Variants in RGPD4 observed in about 807,000 individuals in gnomAD.
RGPD4 encodes the protein ranBP2-like and GRIP domain-containing protein 4.
In RGPD4, 84 loss-of-function variants were observed where a neutral mutation model predicts 141.1. The ratio of observed to expected loss-of-function variants is 0.60; its 90% CI spans 0.50 to 0.71. RGPD4 has a LOEUF of 0.71. Among genes scored for constraint, RGPD4 ranks in the 30% least tolerant of loss-of-function variants. The probability of loss-of-function intolerance (pLI) is 0.00; values close to 1 mark genes in which losing one functional copy is unlikely to be tolerated. For missense variants in RGPD4, 918 were observed against 1,622.4 expected (o/e 0.57, Z 7.46); for synonymous variants, 298 against 566.8 (o/e 0.53, Z 6.74).
At chr2:107,831,271 C>T (rs1311601428) in intron 1 of RGPD4, among the ~76,000 whole-genome samples, 4 of 149,212 alleles carry the variant, frequency 2.7e-5, no homozygotes, top group East Asian at 3.9e-4. Context: ...TCTGTCAAGT[C>T]GGTTTCTTAT....
chr2:107,830,213 G>GTA (rs1483776033), intron 1 of RGPD4, among the ~76,000 whole-genome samples: 1 of 151,554 alleles, frequency 6.6e-6, no homozygotes, highest in Non-Finnish European at 1.5e-5. Flanking sequence ...CAAATCGTTA[G>GTA]TATGGCTTGC....
At chr2:107,888,640 C>A (rs1045253296) in intron 22 of RGPD4, among the ~76,000 whole-genome samples, 1 of 149,852 alleles carries the variant, frequency 6.7e-6, no homozygotes, top group African/African-American at 2.5e-5. Context: ...TTATTTTTAA[C>A]CAGTAGAATA....
At chr2:107,832,092 T>C (rs566220035) in intron 1 of RGPD4, among the ~76,000 whole-genome samples, 52 of 151,580 alleles carry the variant, frequency 3.4e-4, no homozygotes, top group African/African-American at 1.2e-3. Context: ...GGTTTGCTTG[T>C]ATGTTGTGTT....
intron 1 of RGPD4, among the ~76,000 whole-genome samples, chr2:107,833,203 A>G (rs1326695882): frequency 6.6e-6 from 1 of 151,460 alleles, no homozygotes; most frequent in Non-Finnish European, 1.5e-5. Flanking sequence ...TTGACTGTGC[A>G]AGATGGGTGA....
At position 107,857,855 on chromosome 2, in the gene RGPD4, G is replaced by T. The variant is rs1339449773; in HGVS notation, c.1276+886G>T. Among the ~76,000 whole-genome samples, 5 of 151,876 alleles carry T rather than the reference G, an allele frequency of 3.3e-5. No individual in the cohort carries two copies. In the South Asian group the frequency reaches 8.3e-4, roughly 25 times the overall value. ...AAAAATACAAAAATTATCCGGGGGT[G>T]GTGGCATGTGCCTGTAGTCCCTACT... On this transcript the variant is annotated intron_variant, in intron 9 of 22. Coordinates refer to ENST00000408999, the MANE Select transcript of RGPD4 (RefSeq NM_182588.3).
Position 107,871,467 on chromosome 2 carries a change from G to A in RGPD4, c.3463G>A (p.Glu1155Lys), listed in dbSNP as rs1682917149. 1.0e-6 allele frequency: 1 copy of A among 992,622 alleles called. No individual in the cohort carries two copies. The highest frequency in any genetic ancestry group is 2.3e-5 in the Admixed American group (1 of 44,210). The allele number at this position is 992,622 out of a possible 1,614,324, so 61.5% of individuals were successfully genotyped here. ...GTTAGCAGCAAAATTTAAAACACCA[G>A]AGCTGGCTGAAGAATTCAAGCAGAA... is the stretch of plus-strand genomic sequence containing the variant. Reference protein sequence around the residue: ...ERLAAKFKTPELAEEFKQKFE... With the variant: ...ERLAAKFKTPKLAEEFKQKFE... Residue 1155 changes from glutamate to lysine, a missense_variant, in exon 20 of 23, where the codon GAG (glutamate) becomes AAG (lysine). Transcript: ENST00000408999.
chr2:107,857,340 T>G (rs1247992653), intron 9 of RGPD4, among the ~76,000 whole-genome samples: 1 of 151,246 alleles, frequency 6.6e-6, no homozygotes, highest in Non-Finnish European at 1.5e-5. Flanking sequence ...GGTTTCATCA[T>G]GTTGGTCAGG....
chr2:107,827,524 G>A (rs536088376), intron 1 of RGPD4, among the ~76,000 whole-genome samples: 438 of 38,684 alleles, frequency 0.011, 53 homozygotes, highest in Non-Finnish European at 0.017. Context: ...TGGCGGCCTC[G>A]ATGGCTCAGG....
rs753198148 is a variant in RGPD4 at position 107,871,287 on chromosome 2, A to C, written c.3283A>C (p.Lys1095Gln). The C allele has an allele frequency of 1.2e-6, 2 of 1,607,382 alleles. No individual in the cohort carries two copies. Among genetic ancestry groups the C allele is most frequent in the African/African-American group, 2.8e-5 (2 of 72,308 alleles). The change falls in exon 20 of 23, where the codon AAA becomes CAA. Residue 1095 changes from lysine (K) to glutamine (Q), a missense_variant. Coordinates refer to ENST00000408999, the MANE Select transcript of RGPD4 (RefSeq NM_182588.3). ...AATTCTCAAAAACGAGGTCAATGGCAAACCAAGAATGCTGATGCGAAGAGA... is the reference window on the plus strand; with the variant it reads ...AATTCTCAAAAACGAGGTCAATGGCCAACCAAGAATGCTGATGCGAAGAGA... ...LKILKNEVNG[K>Q]PRMLMRREQV...
intron 20 of RGPD4, among the ~76,000 whole-genome samples, chr2:107,878,249 T>C (rs1200390727): frequency 6.6e-6 from 1 of 151,706 alleles, no homozygotes. Context: ...AATCAATAGA[T>C]TTTGAACAAT....
chr2:107,828,568 G>A (rs1460819073), intron 1 of RGPD4, among the ~76,000 whole-genome samples: 20 of 106,314 alleles, frequency 1.9e-4, no homozygotes, highest in South Asian at 3.2e-4. Flanking sequence ...GCTCCCTGGC[G>A]CGCTCTGTTG....
At chr2:107,846,776 C>A (rs1412011511) in intron 6 of RGPD4, among the ~76,000 whole-genome samples, 2 of 151,458 alleles carry the variant, frequency 1.3e-5, no homozygotes, top group East Asian at 3.9e-4. Flanking sequence ...CCAATAATAG[C>A]ATTTTTTATG....
chr2:107,880,495 C>T (rs988230984), intron 21 of RGPD4, among the ~76,000 whole-genome samples: 6 of 151,594 alleles, frequency 4.0e-5, no homozygotes, highest in Non-Finnish European at 2.9e-5. Flanking sequence ...GATCTCCTGA[C>T]CTCATGATCC....
intron 15 of RGPD4, 107 bp downstream of exon 15, chr2:107,861,847 GTTA>G: frequency 6.4e-7 from 1 of 1,561,120 alleles, no homozygotes; most frequent in Non-Finnish European, 8.7e-7. Flanking sequence ...GTAATATGTT[GTTA>G]TTAATGCACA....
chr2:107,887,161 G>A (rs1460763831), intron 22 of RGPD4, among the ~76,000 whole-genome samples: 1 of 151,828 alleles, frequency 6.6e-6, no homozygotes, highest in East Asian at 1.9e-4. Flanking sequence ...AGGATTCTTT[G>A]TTATAAGGAG....
chr2:107,830,875 TTA>T (rs1442601084), intron 1 of RGPD4, among the ~76,000 whole-genome samples: 1 of 152,112 alleles, frequency 6.6e-6, no homozygotes, highest in Non-Finnish European at 1.5e-5. Context: ...CTTTCATTTG[TTA>T]GTCTTCTCTT....
intron 22 of RGPD4, among the ~76,000 whole-genome samples, chr2:107,888,495 C>G (rs1253706057): frequency 1.3e-5 from 2 of 151,004 alleles, no homozygotes. Flanking sequence ...AATATCGCTT[C>G]CTTCTACTTT....
At chr2:107,828,514 C>T (rs1351818302) in intron 1 of RGPD4, among the ~76,000 whole-genome samples, 120 of 45,114 alleles carry the variant, frequency 2.7e-3, no homozygotes, top group Non-Finnish European at 4.0e-3. Flanking sequence ...CCCGGCCCGG[C>T]GGCGGCCTCG....
rs1553448517 is a variant in RGPD4 at position 107,871,030 on chromosome 2, G to A, written c.3026G>A (p.Gly1009Asp). 1 of 1,611,086 alleles carries A rather than the reference G, an allele frequency of 6.2e-7. No individual in the cohort carries two copies. The highest frequency in any genetic ancestry group is 8.5e-7 in the Non-Finnish European group (1 of 1,179,788). The change falls in exon 20 of 23, where the codon GGT (glycine) becomes GAT (aspartate). Residue 1009 changes from glycine to aspartate, a missense_variant. By Grantham distance (94) the Gly-to-Asp change is moderately conservative. Coordinates refer to ENST00000408999, the MANE Select transcript of RGPD4 (RefSeq NM_182588.3). Reference sequence around the variant, plus strand: ...GAAAAATTATTCTCATCACAATGCGGTAAAATGGCCAATAAAGCAAACACT... The same window carrying A: ...GAAAAATTATTCTCATCACAATGCGATAAAATGGCCAATAAAGCAAACACT... ...AGEKLFSSQC[G>D]KMANKANTSG...
Sources: allele counts gnomAD v4.1 joint callset (sites outside exome capture counted in the v4.1 genomes callset), GRCh38; gene constraint gnomAD v4.1.1; transcripts MANE v1.5; gene names NCBI Gene and HGNC (gene_info 2026-07-23, HGNC 2026-07-21).